ASCC1: variants seen among roughly 807,000 people sequenced by gnomAD.
ASCC1 encodes the protein activating signal cointegrator 1 complex subunit 1.
ASCC1 carries 35 observed loss-of-function variants against 46.6 expected under a neutral mutation model. That is an observed-to-expected ratio of 0.75 (90% confidence interval 0.57 to 0.99). The LOEUF (loss-of-function observed/expected upper bound fraction) is 0.99. Ranked by LOEUF, ASCC1 falls within the 50% of genes least tolerant of loss-of-function variation. The pLI, the probability that ASCC1 is intolerant of heterozygous loss-of-function variation, is 0.00. For synonymous variants in ASCC1, 143 were observed against 146.6 expected (o/e 0.98, Z 0.18); for missense variants, 376 against 428.7 (o/e 0.88, Z 1.09).
At chr10:72,187,990 A>G (rs1206822667) in intron 5 of ASCC1, among the ~76,000 whole-genome samples, 1 of 151,942 alleles carries the variant, frequency 6.6e-6, no homozygotes. Context: ...ACAATTCTAC[A>G]CTAAGCTCAG....
At chr10:72,176,658 TA>T (rs1337677269) in intron 5 of ASCC1, among the ~76,000 whole-genome samples, 2 of 152,140 alleles carry the variant, frequency 1.3e-5, no homozygotes, top group African/African-American at 4.8e-5. Flanking sequence ...ACTATTTTCT[TA>T]CTCTCTATAG....
intron 5 of ASCC1, among the ~76,000 whole-genome samples, chr10:72,186,655 T>C (rs192515218): frequency 6.6e-6 from 1 of 152,290 alleles, no homozygotes; most frequent in Admixed American, 6.5e-5. Context: ...ACTAAAAATC[T>C]CTTCCATATA....
intron 9 of ASCC1, among the ~76,000 whole-genome samples, chr10:72,119,621 C>T (rs997874406): frequency 6.6e-6 from 1 of 152,114 alleles, no homozygotes; most frequent in Admixed American, 6.5e-5. Context: ...ACTTCCCCTC[C>T]GTCCAACCTT....
intron 9 of ASCC1, among the ~76,000 whole-genome samples, chr10:72,100,681 C>G (rs568267914): frequency 6.6e-6 from 1 of 152,254 alleles, no homozygotes; most frequent in Non-Finnish European, 1.5e-5. Context: ...GCATGAGACA[C>G]TGTGTCCCGC....
intron 9 of ASCC1, among the ~76,000 whole-genome samples, chr10:72,105,748 C>T (rs1842278568): frequency 1.3e-5 from 2 of 152,098 alleles, no homozygotes; most frequent in East Asian, 1.9e-4. Flanking sequence ...TTGTGGTATA[C>T]ACTGAAAGAA....
rs1295608516 is a variant in ASCC1, at chr10:72,203,485, T to C, written c.252A>G (p.Ile84Met). The stretch of plus-strand genomic sequence containing the variant: ...TAATAGAAGTTTTGGTCTCCATTTC[T>C]ATTTTCTTCCTAGTGTCCCCTCTCT... Reference protein sequence around the residue: ...VGKRGDTRKKIEMETKTSISI... With the variant: ...VGKRGDTRKKMEMETKTSISI... Residue 84 changes from isoleucine (I) to methionine (M), a missense_variant, in exon 4 of 10, where the codon ATA becomes ATG. By Grantham distance (10) the Ile-to-Met change is conservative. Coordinates refer to ENST00000672957, the MANE Select transcript of ASCC1 (RefSeq NM_001198800.3). 2 of 1,613,502 alleles carry C rather than the reference T, an allele frequency of 1.2e-6. No individual in the cohort carries two copies. The highest frequency in any genetic ancestry group is 1.7e-6 in the Non-Finnish European group (2 of 1,179,560).
intron 9 of ASCC1, among the ~76,000 whole-genome samples, chr10:72,119,774 C>A (rs943455470): frequency 1.3e-4 from 19 of 151,680 alleles, no homozygotes; most frequent in Admixed American, 1.3e-4. Context: ...ACATCAGAAC[C>A]AGAGTCAGAA....
intron 9 of ASCC1, among the ~76,000 whole-genome samples, chr10:72,126,685 T>C (rs972996424): frequency 2.6e-5 from 4 of 152,006 alleles, no homozygotes; most frequent in Non-Finnish European, 4.4e-5. Flanking sequence ...CTTAACCAAA[T>C]TAACAACAAC....
intron 1 of ASCC1, among the ~76,000 whole-genome samples, chr10:72,214,037 T>TA (rs1437154556): frequency 3.3e-5 from 5 of 149,514 alleles, no homozygotes; most frequent in Non-Finnish European, 7.4e-5. Flanking sequence ...AACTCCGTCT[T>TA]AAAAAAAGAA....
In ASCC1 at chr10:72,133,063, G is replaced by C; in HGVS notation, c.865C>G (p.Pro289Ala). 3 of 1,614,034 alleles carry C rather than the reference G, an allele frequency of 1.9e-6. No homozygotes were observed. The highest frequency in any genetic ancestry group is 2.2e-5 in the South Asian group (2 of 91,064). Residue 289 changes from proline (P) to alanine (A), a missense_variant, in exon 8 of 10, where the codon CCC (proline) becomes GCC (alanine). Pro to Ala is a conservative substitution (Grantham distance 27). Coordinates refer to ENST00000672957, the MANE Select transcript of ASCC1 (RefSeq NM_001198800.3). ...AGTTCTCTGGGGGACTTACCATTGG[G>C]GTCTTTCCTGAATAGTGTATTCATA... ...TVMNTLFRKD[P>A]NAEGRYNLYT...
chr10:72,114,421 C>A (rs1402275109), intron 9 of ASCC1, among the ~76,000 whole-genome samples: 1 of 152,116 alleles, frequency 6.6e-6, no homozygotes, highest in Non-Finnish European at 1.5e-5. Flanking sequence ...GTCAGGAGAT[C>A]GAGACCATCC....
At chr10:72,111,573 T>C (rs533957530) in intron 9 of ASCC1, among the ~76,000 whole-genome samples, 3 of 152,312 alleles carry the variant, frequency 2.0e-5, no homozygotes, top group African/African-American at 7.2e-5. Flanking sequence ...TCGCTTTTAA[T>C]TTGTAATAAT....
chr10:72,105,023 A>G (rs1239707928), intron 9 of ASCC1, among the ~76,000 whole-genome samples: 1 of 152,148 alleles, frequency 6.6e-6, no homozygotes, highest in Non-Finnish European at 1.5e-5. Flanking sequence ...TCCAGCTCCC[A>G]TGTCTGCTGA....
chr10:72,101,329 G>A (rs1198048303), intron 9 of ASCC1, among the ~76,000 whole-genome samples: 2 of 152,266 alleles, frequency 1.3e-5, no homozygotes, highest in African/African-American at 4.8e-5. Context: ...AGGTAGTAAA[G>A]GTTAAGTGCG....
intron 9 of ASCC1, among the ~76,000 whole-genome samples, chr10:72,112,902 C>T (rs868747429): frequency 1.4e-5 from 2 of 141,396 alleles, no homozygotes; most frequent in African/African-American, 2.6e-5. Flanking sequence ...AAAAAAAAAA[C>T]CCCAACATAC....
At chr10:72,099,714 G>A (rs528026804) in intron 9 of ASCC1, among the ~76,000 whole-genome samples, 1 of 152,290 alleles carries the variant, frequency 6.6e-6, no homozygotes, top group African/African-American at 2.4e-5. Context: ...CAGCTACCCG[G>A]GAGACTGAGG....
chr10:72,186,968 C>G (rs1430953212), intron 5 of ASCC1, among the ~76,000 whole-genome samples: 1 of 141,856 alleles, frequency 7.0e-6, no homozygotes, highest in Admixed American at 7.0e-5. Flanking sequence ...AAAAAAAAGA[C>G]TAACTTATTA....
chr10:72,137,763 A>T lies in ASCC1; in HGVS notation c.747-4582T>A, dbSNP rs370839374. ...ACTTAACCTTTTGTGTTAAATGTAT[A>T]TCTATGGATGGTGAGGTTACGTAAT... On this transcript the variant is annotated intron_variant, in intron 7 of 9. Transcript: ENST00000672957. Among the ~76,000 whole-genome samples, 18 of 152,336 alleles carry T rather than the reference A, an allele frequency of 1.2e-4. No individual in the cohort carries two copies. In the East Asian group the frequency reaches 1.7e-3, roughly 15 times the overall value.
chr10:72,117,436 T>C (rs1320915435), intron 9 of ASCC1, among the ~76,000 whole-genome samples: 3 of 152,218 alleles, frequency 2.0e-5, no homozygotes, highest in African/African-American at 4.8e-5. Context: ...TTAGGGTCTA[T>C]TTCCTCCTTT....
Sources: gnomAD v4.1 joint callset for allele counts (sites outside exome capture counted in the v4.1 genomes callset) on GRCh38, gnomAD v4.1.1 for gene constraint, MANE v1.5 for transcripts, NCBI Gene and HGNC (gene_info 2026-07-23, HGNC 2026-07-21) for gene names.